SIMC1: variants seen among roughly 807,000 people sequenced by gnomAD.
SIMC1 encodes SUMO interacting motifs containing 1.
A neutral mutation model predicts 82.3 loss-of-function variants in SIMC1; 55 were observed. The ratio of observed to expected loss-of-function variants is 0.67; its 90% CI spans 0.54 to 0.84. The LOEUF (loss-of-function observed/expected upper bound fraction) is 0.84. SIMC1 is among the 40% of genes least tolerant of loss of function. The pLI is 0.00. For synonymous variants in SIMC1, 353 were observed against 426.3 expected, an observed-to-expected ratio of 0.83 and a Z score of 2.12; for missense variants, 915 against 1,107.2, an observed-to-expected ratio of 0.83 and a Z score of 2.46.
At chr5:176,268,323 T>G (rs992447477) in intron 1 of SIMC1, among the ~76,000 whole-genome samples, 1 of 100,716 alleles carries the variant, frequency 9.9e-6, no homozygotes, top group Non-Finnish European at 2.0e-5. Context: ...AATAATTAAG[T>G]GTAAATAGAC....
chr5:176,342,942 C>T (rs531908696), intron 9 of SIMC1, among the ~76,000 whole-genome samples: 21 of 152,318 alleles, frequency 1.4e-4, no homozygotes, highest in Admixed American at 5.9e-4. Context: ...CAGACTCTAG[C>T]CAGTTCCTGA....
chr5:176,304,914 C>A (rs1254992051), intron 4 of SIMC1, among the ~76,000 whole-genome samples: 2 of 138,298 alleles, frequency 1.4e-5, no homozygotes, highest in Admixed American at 1.4e-4. Context: ...TCTGCCCGGC[C>A]GCCCCGTCTG....
chr5:176,247,529 T>G (rs1318742443), intron 1 of SIMC1, among the ~76,000 whole-genome samples: 1 of 152,068 alleles, frequency 6.6e-6, no homozygotes, highest in African/African-American at 2.4e-5. Context: ...GATGGATAGA[T>G]TACAAAGATT....
At chr5:176,316,030 C>T (rs1454784369) in intron 5 of SIMC1, among the ~76,000 whole-genome samples, 5 of 151,708 alleles carry the variant, frequency 3.3e-5, no homozygotes, top group African/African-American at 9.7e-5. Context: ...CAAAAATTAG[C>T]CAGGCATGGT....
intron 4 of SIMC1, chr5:176,296,740 C>T (rs1437330648): frequency 6.3e-6 from 1 of 158,808 alleles, no homozygotes; most frequent in Non-Finnish European, 1.4e-5. Flanking sequence ...GATTCTCCCA[C>T]CCCTGCCAAA....
intron 1 of SIMC1, among the ~76,000 whole-genome samples, chr5:176,242,587 GA>G (rs1382623914): frequency 6.6e-6 from 1 of 151,466 alleles, no homozygotes; most frequent in Non-Finnish European, 1.5e-5. Flanking sequence ...TATATTTATT[GA>G]AAAAAACTCT....
At chr5:176,343,161 AATGT>A (rs1766227007) in intron 9 of SIMC1, among the ~76,000 whole-genome samples, 1 of 152,214 alleles carries the variant, frequency 6.6e-6, no homozygotes, top group African/African-American at 2.4e-5. Context: ...AAACATATTG[AATGT>A]ATTACTTGAA....
intron 1 of SIMC1, among the ~76,000 whole-genome samples, chr5:176,278,371 G>A (rs1281273421): frequency 1.7e-4 from 4 of 23,464 alleles, no homozygotes; most frequent in Non-Finnish European, 2.5e-4. Context: ...GGGTTTTCTA[G>A]ATATACAATC....
intron 1 of SIMC1, among the ~76,000 whole-genome samples, chr5:176,277,274 C>T (rs200258587): frequency 0.12 from 17,539 of 151,334 alleles, 1,098 homozygotes; most frequent in Admixed American, 0.15. Context: ...TCATGTCCTT[C>T]GCCCACTTTT....
intron 7 of SIMC1, among the ~76,000 whole-genome samples, chr5:176,330,316 G>A (rs972382552): frequency 3.3e-5 from 5 of 151,438 alleles, no homozygotes; most frequent in Admixed American, 6.6e-5. Flanking sequence ...CAGGAGAATC[G>A]CTTGAAATCA....
intron 7 of SIMC1, among the ~76,000 whole-genome samples, chr5:176,326,050 A>G (rs1403754309): frequency 6.6e-6 from 1 of 152,258 alleles, no homozygotes; most frequent in Non-Finnish European, 1.5e-5. Flanking sequence ...AAACTAAACT[A>G]GAATGAATAT....
At chr5:176,332,162 G>A (rs983537173) in intron 7 of SIMC1, among the ~76,000 whole-genome samples, 1 of 152,134 alleles carries the variant, frequency 6.6e-6, no homozygotes, top group Non-Finnish European at 1.5e-5. Flanking sequence ...CTGACTATTT[G>A]TTTCCTGTTT....
At chr5:176,297,427 A>G (rs560084193) in intron 4 of SIMC1, among the ~76,000 whole-genome samples, 27 of 149,190 alleles carry the variant, frequency 1.8e-4, no homozygotes, top group African/African-American at 6.7e-4. Context: ...GCTTGAACCC[A>G]GCAGATGGAG....
At chr5:176,306,453 G>T (rs1349741841) in intron 4 of SIMC1, among the ~76,000 whole-genome samples, 6 of 136,282 alleles carry the variant, frequency 4.4e-5, no homozygotes, top group East Asian at 2.5e-4. Flanking sequence ...TGACAATGGC[G>T]GCTTTGTGGA....
At position 176,337,136 on chromosome 5, in the gene SIMC1, T is replaced by C. The variant is rs1561735199; in HGVS notation, c.2403T>C (p.His801=). The C allele has an allele frequency of 4.3e-6, 7 of 1,613,940 alleles. No homozygotes were observed. Among genetic ancestry groups the C allele is most frequent in the Non-Finnish European group, 5.1e-6 (6 of 1,179,842 alleles). ...HLQFLLSSYQ[H]VLREHLRSSV... is the part of the protein sequence containing the mutation. Reference sequence around the variant, plus strand: ...AGTTTCTGCTGTCCAGTTATCAACATGTTTTAAGAGGTAAGGAGCATTTGT... The same window carrying C: ...AGTTTCTGCTGTCCAGTTATCAACACGTTTTAAGAGGTAAGGAGCATTTGT... Residue 801 remains histidine (H), a synonymous_variant, in exon 9 of 10, where the codon CAT becomes CAC. Transcript: ENST00000429602.
chr5:176,241,892 CTCTA>C (rs1308894303), intron 1 of SIMC1, among the ~76,000 whole-genome samples: 3 of 151,826 alleles, frequency 2.0e-5, no homozygotes, highest in Non-Finnish European at 2.9e-5. Context: ...AGCTGCAGAC[CTCTA>C]TCTACGGTAC....
chr5:176,305,139 G>C (rs1269747792), intron 4 of SIMC1, among the ~76,000 whole-genome samples: 6 of 125,766 alleles, frequency 4.8e-5, no homozygotes, highest in South Asian at 5.2e-4. Flanking sequence ...ATCCAGGAGG[G>C]GGGGGGGGTC....
intron 2 of SIMC1, among the ~76,000 whole-genome samples, chr5:176,293,287 T>C (rs1763659975): frequency 6.8e-6 from 1 of 148,142 alleles, no homozygotes; most frequent in African/African-American, 2.5e-5. Flanking sequence ...AATTCAAAAA[T>C]TAGCTGAATA....
chr5:176,334,952 A>G (rs1271022272), intron 7 of SIMC1, among the ~76,000 whole-genome samples: 2 of 151,228 alleles, frequency 1.3e-5, no homozygotes, highest in East Asian at 2.0e-4. Context: ...TTAGCTGGGC[A>G]TGGTGGTGGG....
Sources: gnomAD v4.1 joint callset for allele counts (sites outside exome capture counted in the v4.1 genomes callset) on GRCh38, gnomAD v4.1.1 for gene constraint, MANE v1.5 for transcripts, NCBI Gene and HGNC (gene_info 2026-07-23, HGNC 2026-07-21) for gene names.